Variants in TMTC4 observed in about 807,000 individuals in gnomAD.
TMTC4 encodes protein O-mannosyl-transferase TMTC4.
A neutral mutation model predicts 86.0 loss-of-function variants in TMTC4; 65 were observed. The observed-to-expected ratio is 0.76, with a 90% CI of 0.62 to 0.93. The LOEUF is 0.93. Among genes scored for constraint, TMTC4 ranks in the 40% least tolerant of loss-of-function variants. The pLI is 0.00. For missense variants in TMTC4, 866 were observed against 948.1 expected (o/e 0.91, Z 1.14); for synonymous variants, 379 against 382.5 (o/e 0.99, Z 0.11).
intron 9 of TMTC4, 37 bp from the exon 10 acceptor site, chr13:100,636,771 C>T (rs1453043740): frequency 1.9e-6 from 3 of 1,608,542 alleles, no homozygotes; most frequent in Non-Finnish European, 2.6e-6. Flanking sequence ...CTATTTGATA[C>T]TGAACTTAAA....
At chr13:100,666,897 G>T (rs1886461994) in intron 3 of TMTC4, among the ~76,000 whole-genome samples, 1 of 152,204 alleles carries the variant, frequency 6.6e-6, no homozygotes, top group African/African-American at 2.4e-5. Flanking sequence ...GGCTAAGATG[G>T]GAGGATGGCT....
At chr13:100,609,682 C>CAA (rs1467377645) in intron 17 of TMTC4, among the ~76,000 whole-genome samples, 1 of 83,642 alleles carries the variant, frequency 1.2e-5, no homozygotes, top group Non-Finnish European at 2.5e-5. Flanking sequence ...TATATATATA[C>CAA]ACACACACAC....
chr13:100,647,916 C>A (rs1883959568), intron 6 of TMTC4, among the ~76,000 whole-genome samples: 1 of 152,176 alleles, frequency 6.6e-6, no homozygotes, highest in South Asian at 2.1e-4. Flanking sequence ...AACCTTCTCC[C>A]TAATTTCACC....
intron 6 of TMTC4, among the ~76,000 whole-genome samples, chr13:100,644,151 G>A (rs1883405674): frequency 6.8e-6 from 1 of 148,070 alleles, no homozygotes; most frequent in African/African-American, 2.5e-5. Flanking sequence ...TGTCGCCCAG[G>A]CTGGAGTGCA....
At chr13:100,618,520 T>C (rs1476382023) in intron 15 of TMTC4, among the ~76,000 whole-genome samples, 1 of 151,286 alleles carries the variant, frequency 6.6e-6, no homozygotes, top group Non-Finnish European at 1.5e-5. Flanking sequence ...TTGATCATTC[T>C]TGGGTGTTTC....
At chr13:100,618,969 ATT>A (rs1879010551) in intron 15 of TMTC4, among the ~76,000 whole-genome samples, 1 of 152,038 alleles carries the variant, frequency 6.6e-6, no homozygotes, top group South Asian at 2.1e-4. Flanking sequence ...CAAAACCGCC[ATT>A]GTCATCCCAG....
chr13:100,615,566 C>G (rs1421889357), intron 15 of TMTC4, among the ~76,000 whole-genome samples: 2 of 152,172 alleles, frequency 1.3e-5, no homozygotes. Flanking sequence ...AATTCTCGTG[C>G]CTCAGCCTCC....
chr13:100,636,639 G>A lies in TMTC4; in HGVS notation c.1095C>T (p.Leu365=). 6.2e-7 allele frequency: 1 copy of A among 1,614,200 alleles called. No homozygotes were observed. Among genetic ancestry groups the A allele is most frequent in the Non-Finnish European group, 8.5e-7 (1 of 1,180,036 alleles). Residue 365 remains leucine, a synonymous_variant, in exon 10 of 19, where the codon CTC becomes CTT. Coordinates refer to ENST00000342624, the MANE Select transcript of TMTC4 (RefSeq NM_032813.5). The part of the protein sequence containing the change: ...CFDWSMGCIP[L]IKSISDWRVI... Reference sequence around the variant, plus strand: ...CCCTCCAGTCGCTGATGGACTTAATGAGGGGGATGCAGCCCATTGACCAAT... The same window carrying A: ...CCCTCCAGTCGCTGATGGACTTAATAAGGGGGATGCAGCCCATTGACCAAT...
rs747247632 is a variant in TMTC4, at chr13:100,634,892, C to A, written c.1419G>T (p.Thr473=). The A allele has an allele frequency of 6.2e-7, 1 of 1,614,024 alleles. No homozygotes were observed. The highest frequency in any genetic ancestry group is 8.5e-7 in the Non-Finnish European group (1 of 1,180,042). The change falls in exon 12 of 19, where the codon ACG becomes ACT. Residue 473 remains threonine, a synonymous_variant. Transcript: ENST00000342624. The part of the protein sequence containing the change: ...AVVLGILFIN[T]LRCVLRSGEW... ...CGCCGCTGCGCAGCACACATCTCAG[C>A]GTGTTGATGAATAAGATTCCCAGCA... is the stretch of plus-strand genomic sequence containing the variant.
chr13:100,669,215 C>T (rs1356624495), intron 2 of TMTC4, among the ~76,000 whole-genome samples: 1 of 152,168 alleles, frequency 6.6e-6, no homozygotes, highest in Non-Finnish European at 1.5e-5. Flanking sequence ...GTGTGTGTGG[C>T]AGGGGAGAGG....
chr13:100,606,235 C>T (rs1291056404), intron 18 of TMTC4, 123 bp downstream of exon 18: 1 of 817,936 alleles, frequency 1.2e-6, no homozygotes, highest in East Asian at 2.7e-5. Context: ...AATAACAGAA[C>T]CACATTTTAA....
At chr13:100,671,250 G>C (rs575768170) in intron 1 of TMTC4, among the ~76,000 whole-genome samples, 2 of 152,000 alleles carry the variant, frequency 1.3e-5, no homozygotes, top group Non-Finnish European at 2.9e-5. Context: ...CTCCTGCCTC[G>C]GTCTCCCAAG....
Position 100,637,717 on chromosome 13 carries a change from C to A in TMTC4, c.835-15G>T. 6.2e-7 allele frequency: 1 copy of A among 1,611,890 alleles called. No homozygotes were observed. On this transcript the variant is annotated splice_polypyrimidine_tract_variant and intron_variant, in intron 8 of 18. Coordinates refer to ENST00000342624, the MANE Select transcript of TMTC4 (RefSeq NM_032813.5). Reference sequence around the variant, plus strand: ...ATGCCGAGATTCTGCAAGGACATCGCAAAGCCCCAGAGGTGGCTGATTTTC... The same window carrying A: ...ATGCCGAGATTCTGCAAGGACATCGAAAAGCCCCAGAGGTGGCTGATTTTC...
intron 6 of TMTC4, among the ~76,000 whole-genome samples, chr13:100,648,413 A>G (rs1476347740): frequency 2.0e-5 from 3 of 152,240 alleles, no homozygotes; most frequent in Non-Finnish European, 4.4e-5. Context: ...CAAATAAAAT[A>G]TATTATTAAA....
At chr13:100,642,131 C>T (rs1594316514) in intron 7 of TMTC4, 80 bp downstream of exon 7, 2 of 1,469,948 alleles carry the variant, frequency 1.4e-6, no homozygotes, top group East Asian at 2.3e-5. Flanking sequence ...GCCACAGAGG[C>T]AGGGCCAGCC....
Position 100,639,960 on chromosome 13 carries a change from A to T in TMTC4, c.742-1938T>A, listed in dbSNP as rs181752450. On this transcript the variant is annotated intron_variant, in intron 7 of 18. Transcript: ENST00000342624. ...TCTCGAATAAAAATAAAAATAAAATAAAATAAAATAAAATAAAAAATAAAG... is the reference window on the plus strand; with the variant it reads ...TCTCGAATAAAAATAAAAATAAAATTAAATAAAATAAAATAAAAAATAAAG... Among the ~76,000 whole-genome samples, 1,197 of 151,978 alleles carry T rather than the reference A, an allele frequency of 7.9e-3. 8 individuals are homozygous for T. The highest frequency in any genetic ancestry group is 0.014 in the Non-Finnish European group (922 of 67,968).
chr13:100,647,186 TCTC>T (rs561894006), intron 6 of TMTC4, among the ~76,000 whole-genome samples: 113 of 152,336 alleles, frequency 7.4e-4, no homozygotes, highest in African/African-American at 2.6e-3. Context: ...TTTAGGATTT[TCTC>T]CTATTAGCAG....
chr13:100,625,408 G>T, intron 15 of TMTC4, 127 bp downstream of exon 15: 1 of 1,290,464 alleles, frequency 7.7e-7, no homozygotes, highest in Non-Finnish European at 1.1e-6. Context: ...ACCTTCAAAT[G>T]AGATAGAAAC....
At chr13:100,620,844 C>CAAACA (rs1198901430) in intron 15 of TMTC4, among the ~76,000 whole-genome samples, 4 of 152,082 alleles carry the variant, frequency 2.6e-5, no homozygotes, top group Admixed American at 2.6e-4. Flanking sequence ...AACAAACAAA[C>CAAACA]AAACAAACAA....
Sources: allele counts gnomAD v4.1 joint callset (sites outside exome capture counted in the v4.1 genomes callset), GRCh38; gene constraint gnomAD v4.1.1; transcripts MANE v1.5; gene names NCBI Gene and HGNC (gene_info 2026-07-23, HGNC 2026-07-21).